RNF180: variants seen among roughly 807,000 people sequenced by gnomAD.
RNF180 encodes the protein ring finger protein 180.
RNF180 carries 38 observed loss-of-function variants against 59.2 expected under a neutral mutation model. The observed-to-expected ratio is 0.64, with a 90% CI of 0.50 to 0.84. The LOEUF (loss-of-function observed/expected upper bound fraction) is 0.84, where lower values mean the gene tolerates loss of function less well. Ranked by LOEUF, RNF180 falls within the 40% of genes least tolerant of loss-of-function variation. The pLI, the probability that RNF180 is intolerant of heterozygous loss-of-function variation, is 0.00. For missense variants in RNF180, 705 were observed against 700.9 expected, an observed-to-expected ratio of 1.01 and a Z score of -0.07; for synonymous variants, 262 against 240.3, an observed-to-expected ratio of 1.09 and a Z score of -0.84.
intron 5 of RNF180, among the ~76,000 whole-genome samples, chr5:64,240,102 C>T (rs189050140): frequency 2.4e-4 from 37 of 152,228 alleles, no homozygotes; most frequent in Admixed American, 2.4e-3. Context: ...AGGAAGGGTT[C>T]CCCATGTCCT....
intron 5 of RNF180, among the ~76,000 whole-genome samples, chr5:64,264,985 T>A (rs563360981): frequency 4.9e-4 from 75 of 152,336 alleles, no homozygotes; most frequent in African/African-American, 1.8e-3. Context: ...CTAGTGATGA[T>A]GAGCTTTTTT....
At chr5:64,234,751 C>T (rs1207824160) in intron 5 of RNF180, among the ~76,000 whole-genome samples, 1 of 151,200 alleles carries the variant, frequency 6.6e-6, no homozygotes. Context: ...AGGCGCCCGC[C>T]ACCACGCCTG....
intron 5 of RNF180, among the ~76,000 whole-genome samples, chr5:64,280,301 A>G (rs1194424583): frequency 2.0e-5 from 3 of 152,150 alleles, no homozygotes; most frequent in Middle Eastern, 6.3e-3. Flanking sequence ...TTGGCTGTGC[A>G]GAAGTTCTTT....
intron 5 of RNF180, among the ~76,000 whole-genome samples, chr5:64,309,990 G>A (rs1326763246): frequency 1.3e-5 from 2 of 151,586 alleles, no homozygotes; most frequent in Non-Finnish European, 3.0e-5. Flanking sequence ...CACTTAATAA[G>A]ATCCTGCCAG....
chr5:64,355,826 G>C (rs1257179883), intron 7 of RNF180, among the ~76,000 whole-genome samples: 11 of 151,872 alleles, frequency 7.2e-5, no homozygotes, highest in Admixed American at 3.3e-4. Context: ...ATAGTGCTAG[G>C]ATAGCTGATT....
At chr5:64,171,164 G>T (rs920455689) in intron 1 of RNF180, among the ~76,000 whole-genome samples, 26 of 152,162 alleles carry the variant, frequency 1.7e-4, no homozygotes, top group African/African-American at 6.3e-4. Flanking sequence ...AAGGCTAGTG[G>T]TTTCAGAAAA....
intron 5 of RNF180, among the ~76,000 whole-genome samples, chr5:64,287,983 A>G (rs917212621): frequency 1.3e-5 from 2 of 152,142 alleles, no homozygotes; most frequent in African/African-American, 2.4e-5. Context: ...ACCCGTGCCT[A>G]TGTCCTGAAT....
At chr5:64,336,866 A>G (rs1745146755) in intron 7 of RNF180, among the ~76,000 whole-genome samples, 1 of 152,032 alleles carries the variant, frequency 6.6e-6, no homozygotes, top group Admixed American at 6.6e-5. Flanking sequence ...TTGTTTGTCC[A>G]TGGTATCTTT....
chr5:64,201,060 T>C, intron 2 of RNF180, 118 bp downstream of exon 2: 1 of 781,714 alleles, frequency 1.3e-6, no homozygotes, highest in Non-Finnish European at 1.9e-6. Context: ...TTCTTTGTCA[T>C]GACTCTTTGT....
chr5:64,178,257 A>C (rs373016861), intron 1 of RNF180, among the ~76,000 whole-genome samples: 1 of 151,454 alleles, frequency 6.6e-6, no homozygotes, highest in Non-Finnish European at 1.5e-5. Flanking sequence ...TGGCCTTTCT[A>C]TGATCTGACA....
chr5:64,293,523 A>C (rs139103994), intron 5 of RNF180, among the ~76,000 whole-genome samples: 8 of 152,082 alleles, frequency 5.3e-5, no homozygotes, highest in Admixed American at 5.2e-4. Flanking sequence ...TTTAAATCTA[A>C]ACTTGCACTA....
chr5:64,344,420 A>C (rs1011388939), intron 7 of RNF180, among the ~76,000 whole-genome samples: 3 of 152,184 alleles, frequency 2.0e-5, no homozygotes. Flanking sequence ...TGCAACTTAA[A>C]GTTTCAAAAT....
intron 5 of RNF180, among the ~76,000 whole-genome samples, chr5:64,298,515 T>C (rs1743007910): frequency 6.6e-6 from 1 of 152,038 alleles, no homozygotes; most frequent in African/African-American, 2.4e-5. Context: ...AGTGAAACTT[T>C]CTTACTGAGG....
In RNF180 at chr5:64,368,513, T is replaced by A. The variant is rs1228057426; in HGVS notation, c.1580-1102T>A. Among the ~76,000 whole-genome samples the A allele has an allele frequency of 2.5e-4, 38 of 151,782 alleles. 1 individual carries two copies. The highest frequency in any genetic ancestry group is 2.4e-3 in the Admixed American group (37 of 15,198). On this transcript the variant is annotated intron_variant, in intron 7 of 7. Transcript: ENST00000389100. ...AAATCTCCTGACTTCATATCCTGTG[T>A]TCTTTGCTACCCTGCCTTTAATGCA...
intron 7 of RNF180, among the ~76,000 whole-genome samples, chr5:64,355,806 T>C (rs1745994918): frequency 6.6e-6 from 1 of 151,948 alleles, no homozygotes; most frequent in Non-Finnish European, 1.5e-5. Context: ...AAGAATAGTC[T>C]CTTTGATAAA....
chr5:64,208,214 ATGT>A (rs1317618128), intron 2 of RNF180, among the ~76,000 whole-genome samples: 6 of 152,170 alleles, frequency 3.9e-5, no homozygotes, highest in East Asian at 3.9e-4. Flanking sequence ...TACAAACATA[ATGT>A]TGTCAACATT....
At position 64,346,612 on chromosome 5, in the gene RNF180, C is replaced by T. The variant is rs988191305; in HGVS notation, c.1579+16206C>T. ...CTCAACGTCCTGACCTCAAGTGATC[C>T]ACCCGCCTCGGCCTCCCAAAGTGCT... On this transcript the variant is annotated intron_variant, in intron 7 of 7. Coordinates refer to ENST00000389100, the MANE Select transcript of RNF180 (RefSeq NM_001113561.2). Among the ~76,000 whole-genome samples the T allele has an allele frequency of 4.6e-5, 7 of 151,944 alleles. No homozygotes were observed. In the South Asian group the frequency reaches 1.2e-3, roughly 27 times the overall value.
intron 7 of RNF180, among the ~76,000 whole-genome samples, chr5:64,346,212 A>T (rs761927341): frequency 1.1e-4 from 16 of 151,986 alleles, no homozygotes; most frequent in Non-Finnish European, 1.9e-4. Flanking sequence ...TTATCTTGGA[A>T]AATTCCAAGG....
intron 5 of RNF180, among the ~76,000 whole-genome samples, chr5:64,297,157 A>G (rs1742922911): frequency 6.6e-6 from 1 of 152,082 alleles, no homozygotes; most frequent in Non-Finnish European, 1.5e-5. Context: ...TACTCTGATT[A>G]TTAGTCTCAT....
Sources: allele counts gnomAD v4.1 joint callset (sites outside exome capture counted in the v4.1 genomes callset), GRCh38; gene constraint gnomAD v4.1.1; transcripts MANE v1.5; gene names NCBI Gene and HGNC (gene_info 2026-07-23, HGNC 2026-07-21).